Variants in STK3 observed in about 807,000 individuals in gnomAD.
STK3 encodes the protein serine/threonine-protein kinase 3.
Under a neutral mutation model 58.0 loss-of-function variants are expected in STK3, and 41 were observed. That is an observed-to-expected ratio of 0.71 (90% CI 0.55 to 0.92). STK3 has a LOEUF of 0.92. Among genes scored for constraint, STK3 ranks in the 40% least tolerant of loss-of-function variants. The probability of loss-of-function intolerance (pLI) is 0.00; values close to 1 mark genes in which losing one functional copy is unlikely to be tolerated. For missense variants in STK3, 479 were observed against 602.7 expected (o/e 0.79, Z 2.15); for synonymous variants, 170 against 191.0 (o/e 0.89, Z 0.91).
rs1175676964 is a variant in STK3 at position 98,444,822 on chromosome 8, T to G, written n.186-7614A>C. ...TGCACATGAGTTACTAAACTGAGTT[T>G]GAGCCACCAGTAAATATTAAAAACA... is the stretch of plus-strand genomic sequence containing the variant. On this transcript the variant is annotated intron_variant and non_coding_transcript_variant, in intron 1 of 3. Transcript: ENST00000517832. 2.0e-5 allele frequency among the ~76,000 whole-genome samples: 3 copies of G among 152,206 alleles called. No individual in the cohort carries two copies. The East Asian group carries it at 5.8e-4, about 29-fold the overall frequency.
intron 1 of STK3, among the ~76,000 whole-genome samples, chr8:98,935,404 T>C (rs1219894952): frequency 6.6e-6 from 1 of 152,350 alleles, no homozygotes; most frequent in African/African-American, 2.4e-5. Context: ...GATTTTCTGA[T>C]ACACACAGCT....
At chr8:98,506,753 C>T (rs1824115797) in intron 10 of STK3, among the ~76,000 whole-genome samples, 1 of 152,102 alleles carries the variant, frequency 6.6e-6, no homozygotes, top group Non-Finnish European at 1.5e-5. Context: ...GAACCAAAGA[C>T]TCAACGAATG....
rs186020313 is a variant in STK3 at position 98,609,285 on chromosome 8, C to T, written c.685-13116G>A. On this transcript the variant is annotated intron_variant, in intron 6 of 10. Coordinates refer to ENST00000419617, the MANE Select transcript of STK3 (RefSeq NM_006281.4). ...ATGTTAAATAAGTTTTGAGATAAGG[C>T]CTTTTAATGTTTAATTTTAGAATAA... Among the ~76,000 whole-genome samples, 378 of 152,134 alleles carry T rather than the reference C, an allele frequency of 2.5e-3. 1 individual carries two copies. The highest frequency in any genetic ancestry group is 8.7e-3 in the African/African-American group (360 of 41,508).
chr8:98,469,063 C>A (rs1447064680), intron 10 of STK3, among the ~76,000 whole-genome samples: 1 of 151,450 alleles, frequency 6.6e-6, no homozygotes, highest in Non-Finnish European at 1.5e-5. Flanking sequence ...GAGCTAGGAT[C>A]GTGCCACTGC....
intron 2 of STK3, 95 bp downstream of exon 2, chr8:98,774,644 C>A (rs1021357411): frequency 1.2e-6 from 1 of 840,134 alleles, no homozygotes. Context: ...CTATTCAATT[C>A]ATACGAATAT....
At chr8:98,474,181 G>C (rs912745243) in intron 10 of STK3, among the ~76,000 whole-genome samples, 1 of 152,132 alleles carries the variant, frequency 6.6e-6, no homozygotes, top group Non-Finnish European at 1.5e-5. Flanking sequence ...TTCATCTGCT[G>C]TCATCTCCCC....
Position 98,739,329 on chromosome 8 carries a change from A to C in STK3, c.351+9947T>G, listed in dbSNP as rs539455911. Reference sequence around the variant, plus strand: ...TGACCCCTGACCCTGGAGCAGCCTAACTGGGAGGCACCCCCAAGTAGGGGC... The same window carrying C: ...TGACCCCTGACCCTGGAGCAGCCTACCTGGGAGGCACCCCCAAGTAGGGGC... On this transcript the variant is annotated intron_variant, in intron 4 of 10. Coordinates refer to ENST00000419617, the MANE Select transcript of STK3 (RefSeq NM_006281.4). Among the ~76,000 whole-genome samples, 527 of 152,222 alleles carry C rather than the reference A, an allele frequency of 3.5e-3. 3 individuals are homozygous for C. Among genetic ancestry groups the C allele is most frequent in the African/African-American group, 0.011 (475 of 41,530 alleles).
intron 6 of STK3, among the ~76,000 whole-genome samples, chr8:98,639,083 C>T (rs1340998629): frequency 6.6e-6 from 1 of 151,060 alleles, no homozygotes; most frequent in Non-Finnish European, 1.5e-5. Context: ...AGAAACAGTA[C>T]TCTAAAAGTT....
intron 3 of STK3, among the ~76,000 whole-genome samples, chr8:98,839,719 C>T (rs897089584): frequency 6.6e-5 from 10 of 152,106 alleles, no homozygotes; most frequent in Admixed American, 3.3e-4. Flanking sequence ...ATTTAAACTA[C>T]GATTTCAATC....
chr8:98,640,228 A>T (rs1819911828), intron 6 of STK3, among the ~76,000 whole-genome samples: 1 of 152,006 alleles, frequency 6.6e-6, no homozygotes, highest in South Asian at 2.1e-4. Flanking sequence ...TAATTTTTGT[A>T]CTGTAGACAC....
At position 98,767,295 on chromosome 8, in the gene STK3, A is replaced by T. The variant is rs1450868524; in HGVS notation, c.184T>A (p.Ser62Thr). Residue 62 changes from serine to threonine, a missense_variant, in exon 3 of 11, where the codon TCA becomes ACA. Coordinates refer to ENST00000419617, the MANE Select transcript of STK3 (RefSeq NM_006281.4). ...TCTTTGATTATTTCCTGAAGATCTG[A>T]TTCAACAGGTACTTGTTTAATTGCG... ...VVAIKQVPVE[S>T]DLQEIIKEIS... is the part of the protein sequence containing the mutation. The T allele has an allele frequency of 6.2e-7, 1 of 1,612,236 alleles. No homozygotes were observed. Among genetic ancestry groups the T allele is most frequent in the Non-Finnish European group, 8.5e-7 (1 of 1,179,570 alleles).
chr8:98,712,511 C>G (rs1301273876), intron 4 of STK3, among the ~76,000 whole-genome samples: 4 of 150,914 alleles, frequency 2.7e-5, no homozygotes, highest in Non-Finnish European at 4.4e-5. Context: ...AGACGTTAAA[C>G]CAACAAAGAT....
intron 6 of STK3, among the ~76,000 whole-genome samples, chr8:98,672,627 T>C (rs1158151496): frequency 2.6e-5 from 4 of 152,138 alleles, no homozygotes; most frequent in Non-Finnish European, 4.4e-5. Flanking sequence ...TTCAGCTAAG[T>C]AAAGAAACAA....
intron 8 of STK3, among the ~76,000 whole-genome samples, chr8:98,561,487 A>C (rs1043749540): frequency 6.6e-5 from 10 of 152,048 alleles, no homozygotes; most frequent in African/African-American, 2.4e-4. Context: ...CCATGGAAAA[A>C]AGCTGGTATC....
At chr8:98,940,052 A>T (rs1275669947) in intron 1 of STK3, among the ~76,000 whole-genome samples, 1 of 152,260 alleles carries the variant, frequency 6.6e-6, no homozygotes, top group Non-Finnish European at 1.5e-5. Flanking sequence ...GGCAAACTGC[A>T]GGAGATCCCC....
chr8:98,796,451 A>G (rs1315400511), intron 1 of STK3, among the ~76,000 whole-genome samples: 1 of 152,232 alleles, frequency 6.6e-6, no homozygotes, highest in Non-Finnish European at 1.5e-5. Context: ...CAAAAGAATG[A>G]AACTGGACCC....
intron 4 of STK3, among the ~76,000 whole-genome samples, chr8:98,744,058 A>G (rs1301678310): frequency 6.6e-6 from 1 of 151,976 alleles, no homozygotes; most frequent in Non-Finnish European, 1.5e-5. Flanking sequence ...TTAGAATGGC[A>G]ATCATTAAAA....
the STK3 span, among the ~76,000 whole-genome samples, chr8:98,363,430 C>A: frequency 9.2e-5 from 14 of 152,196 alleles, 1 homozygote; most frequent in South Asian, 2.9e-3. Context: ...AGAAGGGGCC[C>A]GGGTTCCGGT....
At chr8:98,453,080 GTTTTT>G (rs919288019), downstream of STK3, among the ~76,000 whole-genome samples, 3 of 39,680 alleles carry the variant, frequency 7.6e-5, no homozygotes, top group African/African-American at 2.2e-4. Flanking sequence ...TTTCTTTCTT[GTTTTT>G]TTTTTTTTTT....
Sources: allele counts gnomAD v4.1 joint callset (sites outside exome capture counted in the v4.1 genomes callset), GRCh38; gene constraint gnomAD v4.1.1; transcripts MANE v1.5; gene names NCBI Gene and HGNC (gene_info 2026-07-23, HGNC 2026-07-21).